The following ABHD17A variants were observed in gnomAD, a reference collection of about 807,000 sequenced individuals.
ABHD17A encodes the protein alpha/beta hydrolase domain-containing protein 17A.
A neutral mutation model predicts 26.8 loss-of-function variants in ABHD17A; 10 were observed. That is an observed-to-expected ratio of 0.37 (90% CI 0.23 to 0.63). The LOEUF is 0.63. Ranked by LOEUF, ABHD17A falls within the 30% of genes least tolerant of loss-of-function variation. ABHD17A has a pLI of 0.61. For missense variants in ABHD17A, 292 were observed against 457.3 expected (o/e 0.64, Z 3.30); for synonymous variants, 167 against 210.9 (o/e 0.79, Z 1.80).
intron 2 of ABHD17A, 123 bp downstream of exon 2, chr19:1,881,112 G>A (rs1374162666): frequency 1.3e-6 from 2 of 1,569,868 alleles, no homozygotes; most frequent in Non-Finnish European, 1.7e-6. Context: ...CTTGCTGGCT[G>A]GATGGCCCTT....
At chr19:1,882,610 G>C (rs539422712) in intron 1 of ABHD17A, 2 of 152,228 alleles carry the variant, frequency 1.3e-5, no homozygotes, top group Non-Finnish European at 2.9e-5. Context: ...AGTGAGGGGG[G>C]AGGGGAACGA....
Position 1,876,877 on chromosome 19 carries a change from T to G in ABHD17A, c.*323A>C, listed in dbSNP as rs2012370237. The G allele has an allele frequency of 2.5e-6, 1 of 403,148 alleles. No homozygotes were observed. Among genetic ancestry groups the G allele is most frequent in the Non-Finnish European group, 4.6e-6 (1 of 219,032 alleles). 25.0% of individuals were successfully genotyped at this position (403,148 alleles called of 1,614,324 possible). ...TAAGGGGGTCCGTGCCGATCTCTCCTAGGGACTCAGGGACGAAACCTGGGA... is the reference window on the plus strand; with the variant it reads ...TAAGGGGGTCCGTGCCGATCTCTCCGAGGGACTCAGGGACGAAACCTGGGA... On this transcript the variant is annotated 3_prime_UTR_variant, in exon 5 of 5. Transcript: ENST00000292577.
rs373500408 is a variant in ABHD17A, at chr19:1,881,552, C to T, written c.15G>A (p.Ser5=). The T allele has an allele frequency of 6.0e-5, 96 of 1,600,260 alleles. 1 individual carries two copies. The Middle Eastern group carries it at 1.4e-3, about 23-fold the overall frequency. Residue 5 remains serine, a synonymous_variant, in exon 2 of 5, where the codon TCG becomes TCA. Transcript: ENST00000292577. ...AGAAGAGGCAGCAGAGCTCACTCAGCGACAGCCCATTCATGGCGGGCGCCG... is the reference window on the plus strand; with the variant it reads ...AGAAGAGGCAGCAGAGCTCACTCAGTGACAGCCCATTCATGGCGGGCGCCG... MNGL[S]LSELCCLFCC...
rs1209991556 is a variant in ABHD17A, at chr19:1,879,776, T to C, written c.527+145A>G. ...GCACCTGCACACCCAAGCTCGCCTG[T>C]CCGGCTCTCTGGCCCTGTGCATCCA... On this transcript the variant is annotated intron_variant, in intron 3 of 4. Coordinates refer to ENST00000292577, the MANE Select transcript of ABHD17A (RefSeq NM_001130111.2). The surrounding 1 kb of genome is among the most constrained non-coding windows in gnomAD (Gnocchi z 7.6). The C allele has an allele frequency of 1.2e-6, 1 of 801,322 alleles. No homozygotes were observed. Among genetic ancestry groups the C allele is most frequent in the Admixed American group, 2.7e-5 (1 of 37,536 alleles). The allele number at this position is 801,322 out of a possible 1,614,324, so 49.6% of individuals were successfully genotyped here. A position where few individuals can be genotyped will look rare whatever the true frequency, so the allele number is the denominator to read the frequency against.
chr19:1,883,499 G>A (rs2012596796), intron 1 of ABHD17A: 1 of 152,292 alleles, frequency 6.6e-6, no homozygotes, highest in African/African-American at 2.4e-5. Context: ...CATGCAGCTG[G>A]GTCCTGAGAG....
At position 1,880,582 on chromosome 19, in the gene ABHD17A, C is replaced by A. The variant is rs560055247; in HGVS notation, c.333-467G>T. Among the ~76,000 whole-genome samples the A allele has an allele frequency of 1.3e-5, 2 of 152,324 alleles. No individual in the cohort carries two copies. Among genetic ancestry groups the A allele is most frequent in the Non-Finnish European group, 2.9e-5 (2 of 68,014 alleles). ...ATGCTGCTGCTGGCAGGGCTATCTC[C>A]CCTCACCTCACAGAATGGTGCCCTC... On this transcript the variant is annotated intron_variant, in intron 2 of 4. Transcript: ENST00000292577. This position sits in a 1 kb window ranked among gnomAD's most constrained non-coding sequence, Gnocchi z 4.1.
At position 1,880,194 on chromosome 19, in the gene ABHD17A, C is replaced by A. The variant is rs1599207468; in HGVS notation, c.333-79G>T. On this transcript the variant is annotated intron_variant, in intron 2 of 4. Transcript: ENST00000292577. The surrounding 1 kb of genome is among the most constrained non-coding windows in gnomAD (Gnocchi z 4.1). Reference sequence around the variant, plus strand: ...AGGGCAGGAGGATGCGTAGTGACAGCCCACCCCGGTGGCCAGCCATGCCCA... The same window carrying A: ...AGGGCAGGAGGATGCGTAGTGACAGACCACCCCGGTGGCCAGCCATGCCCA... 10 of 1,510,856 alleles carry A rather than the reference C, an allele frequency of 6.6e-6. No individual in the cohort carries two copies. Among genetic ancestry groups the A allele is most frequent in the South Asian group, 2.4e-5 (2 of 83,930 alleles). The allele number at this position is 1,510,856 out of a possible 1,614,324, so 93.6% of individuals were successfully genotyped here.
intron 2 of ABHD17A, 36 bp downstream of exon 2, chr19:1,881,199 G>A (rs748778941): frequency 1.2e-5 from 19 of 1,609,224 alleles, no homozygotes; most frequent in Non-Finnish European, 1.6e-5. Context: ...CCCAAGAACA[G>A]GGTGACCCAG....
At chr19:1,882,633 G>C (rs1014627594) in intron 1 of ABHD17A, 2 of 152,220 alleles carry the variant, frequency 1.3e-5, no homozygotes, top group African/African-American at 2.4e-5. Context: ...GTGCCTGATT[G>C]AGAGTGGAAA....
intron 1 of ABHD17A, 132 bp from the exon 2 acceptor site, chr19:1,881,936 G>A: frequency 4.3e-6 from 1 of 230,972 alleles, no homozygotes; most frequent in Non-Finnish European, 8.4e-6. Context: ...CATCCCCTCG[G>A]CCCTCCCCAC....
intron 1 of ABHD17A, chr19:1,883,764 G>T (rs1184684630): frequency 1.3e-5 from 2 of 152,614 alleles, no homozygotes; most frequent in African/African-American, 2.4e-5. Flanking sequence ...CCTGCTCCAG[G>T]ACATTCTCCC....
chr19:1,884,783 G>A (rs1342621529), intron 1 of ABHD17A, among the ~76,000 whole-genome samples: 2 of 151,586 alleles, frequency 1.3e-5, no homozygotes, highest in African/African-American at 2.4e-5. Flanking sequence ...GTGAGGTCGC[G>A]CCCCCGAGAG....
Position 1,880,792 on chromosome 19 carries a change from T to A in ABHD17A, c.332+443A>T. The A allele has an allele frequency of 6.6e-7, 1 of 1,511,048 alleles. No individual in the cohort carries two copies. The highest frequency in any genetic ancestry group is 8.9e-7 in the Non-Finnish European group (1 of 1,119,430). The allele number at this position is 1,511,048 out of a possible 1,614,324, so 93.6% of individuals were successfully genotyped here. On this transcript the variant is annotated intron_variant, in intron 2 of 4. Transcript: ENST00000292577. The surrounding 1 kb of genome is among the most constrained non-coding windows in gnomAD (Gnocchi z 4.1). The stretch of plus-strand genomic sequence containing the variant: ...TGGTGCCAGGAGCAGGTGGCCAGGC[T>A]GGCCCTGCCATGGACTGCTTCCTCC...
chr19:1,878,204 T>C (rs2012427421), intron 3 of ABHD17A: 1 of 157,742 alleles, frequency 6.3e-6, no homozygotes, highest in East Asian at 1.9e-4. Flanking sequence ...CCACCCAATT[T>C]TGGACTCTCG....
At chr19:1,885,133 C>T (rs899955081) in intron 1 of ABHD17A, among the ~76,000 whole-genome samples, 1 of 152,200 alleles carries the variant, frequency 6.6e-6, no homozygotes, top group African/African-American at 2.4e-5. Flanking sequence ...GGTGGGAGCG[C>T]AACCCACGCC....
rs1463692708 is a variant in ABHD17A, at chr19:1,880,894, A to G, written c.332+341T>C. The G allele has an allele frequency of 5.0e-6, 8 of 1,612,804 alleles. No homozygotes were observed. The highest frequency in any genetic ancestry group is 6.8e-6 in the Non-Finnish European group (8 of 1,179,876). On this transcript the variant is annotated intron_variant, in intron 2 of 4. Coordinates refer to ENST00000292577, the MANE Select transcript of ABHD17A (RefSeq NM_001130111.2). The surrounding 1 kb of genome is among the most constrained non-coding windows in gnomAD (Gnocchi z 4.1). ...TGGACTCAGATCTGGTCAGAACCCC[A>G]CCTGGCGAGAAGGTGGATGTACCCG...
At chr19:1,885,029 G>C (rs1391755186) in intron 1 of ABHD17A, among the ~76,000 whole-genome samples, 1 of 152,216 alleles carries the variant, frequency 6.6e-6, no homozygotes, top group Non-Finnish European at 1.5e-5. Flanking sequence ...AGAGGCCGAA[G>C]CGTTTGTCGG....
chr19:1,880,002 C>G lies in ABHD17A; in HGVS notation c.446G>C (p.Gly149Ala). Residue 149 changes from glycine (G) to alanine (A), a missense_variant, in exon 3 of 5, where the codon GGC (glycine) becomes GCC (alanine). Transcript: ENST00000292577. The surrounding 1 kb of genome is among the most constrained non-coding windows in gnomAD (Gnocchi z 4.1). ...HCNIFSYDYS[G>A]YGASSGRPSE... ...AGGCCTGCCCGAGCTGGCACCGTAG[C>G]CGGAGTAGTCGTAGGAGAAGATGTT... 4 of 1,613,244 alleles carry G rather than the reference C, an allele frequency of 2.5e-6. No individual in the cohort carries two copies. Among genetic ancestry groups the G allele is most frequent in the Non-Finnish European group, 3.4e-6 (4 of 1,180,008 alleles).
intron 4 of ABHD17A, 22 bp downstream of exon 4, chr19:1,877,486 C>T (rs1440056419): frequency 1.1e-5 from 18 of 1,585,576 alleles, no homozygotes; most frequent in Non-Finnish European, 1.4e-5. Flanking sequence ...GCCCCGCCCC[C>T]GTCCCCGCCC....
Sources: gnomAD v4.1 joint callset for allele counts (sites outside exome capture counted in the v4.1 genomes callset) on GRCh38, gnomAD v4.1.1 for gene constraint, Gnocchi (gnomAD v3.1) non-coding constraint, MANE v1.5 for transcripts, NCBI Gene and HGNC (gene_info 2026-07-23, HGNC 2026-07-21) for gene names.